Variants in MYOF observed in about 807,000 individuals in gnomAD.
The protein encoded by MYOF is myoferlin.
In MYOF, 244 loss-of-function variants were observed where a neutral mutation model predicts 284.2. That is an observed-to-expected ratio of 0.86 (90% CI 0.77 to 0.95). The LOEUF is 0.95. Among genes scored for constraint, MYOF ranks in the 40% least tolerant of loss-of-function variants. The probability of loss-of-function intolerance (pLI) is 0.00; values close to 1 mark genes in which losing one functional copy is unlikely to be tolerated. For synonymous variants in MYOF, 904 were observed against 919.7 expected (o/e 0.98, Z 0.31); for missense variants, 2,496 against 2,560.6 (o/e 0.97, Z 0.54).
At chr10:93,374,390 A>C (rs1845740329) in intron 23 of MYOF, among the ~76,000 whole-genome samples, 1 of 152,198 alleles carries the variant, frequency 6.6e-6, no homozygotes, top group Non-Finnish European at 1.5e-5. Context: ...TAACTTGCCC[A>C]ATGTTATACA....
At chr10:93,389,326 C>T (rs1189291508) in intron 17 of MYOF, among the ~76,000 whole-genome samples, 172 bp from the exon 18 acceptor site, 2 of 152,140 alleles carry the variant, frequency 1.3e-5, no homozygotes, top group Middle Eastern at 3.2e-3. Flanking sequence ...TTTCTTATTG[C>T]TACATAAAAT....
At chr10:93,425,211 G>T (rs1026877490) in intron 5 of MYOF, among the ~76,000 whole-genome samples, 3 of 151,998 alleles carry the variant, frequency 2.0e-5, no homozygotes, top group African/African-American at 7.2e-5. Context: ...AAAGTGTTGG[G>T]ATTACAGGCA....
chr10:93,377,434 A>C lies in MYOF; in HGVS notation c.2002-5T>G, dbSNP rs1317896415. ...TAGAGCTTCTATATTTGTTTGCTGA[A>C]GAATTTGAAAAGAGAGGAAATAATT... is the stretch of plus-strand genomic sequence containing the variant. On this transcript the variant is annotated splice_polypyrimidine_tract_variant and splice_region_variant and intron_variant, in intron 21 of 53. Coordinates refer to ENST00000359263, the MANE Select transcript of MYOF (RefSeq NM_013451.4). 3 of 1,596,910 alleles carry C rather than the reference A, an allele frequency of 1.9e-6. No individual in the cohort carries two copies. The highest frequency in any genetic ancestry group is 1.7e-6 in the Non-Finnish European group (2 of 1,164,544).
chr10:93,368,525 C>A (rs758774403), intron 25 of MYOF, among the ~76,000 whole-genome samples: 3 of 152,156 alleles, frequency 2.0e-5, no homozygotes, highest in Non-Finnish European at 2.9e-5. Context: ...TTACCTGGCT[C>A]AGTGCCTAGC....
rs144546286 is a variant in MYOF at position 93,394,973 on chromosome 10, A to G, written c.1417+1169T>C. Among the ~76,000 whole-genome samples the G allele has an allele frequency of 5.9e-5, 9 of 151,750 alleles. No homozygotes were observed. In the East Asian group the frequency reaches 1.7e-3, roughly 29 times the overall value. On this transcript the variant is annotated intron_variant, in intron 16 of 53. Coordinates refer to ENST00000359263, the MANE Select transcript of MYOF (RefSeq NM_013451.4). ...CTTATTTATGTTATCCATTGCTTGAATTAACAATGTTTTTTCAAAACCTAT... is the reference window on the plus strand; with the variant it reads ...CTTATTTATGTTATCCATTGCTTGAGTTAACAATGTTTTTTCAAAACCTAT...
At chr10:93,315,153 C>G (rs1842562984) in intron 50 of MYOF, among the ~76,000 whole-genome samples, 1 of 152,188 alleles carries the variant, frequency 6.6e-6, no homozygotes, top group Non-Finnish European at 1.5e-5. Flanking sequence ...GACCTCTTAA[C>G]TAAGCACTTA....
chr10:93,345,245 G>A (rs787698), intron 37 of MYOF, among the ~76,000 whole-genome samples: 98,137 of 152,132 alleles, frequency 0.65, 33,616 homozygotes, highest in East Asian at 0.97. Context: ...ACCTCACTTA[G>A]TACCTCAATA....
At chr10:93,307,532 C>T (rs148714538) in intron 53 of MYOF, among the ~76,000 whole-genome samples, 1,850 of 152,154 alleles carry the variant, frequency 0.012, 28 homozygotes, top group African/African-American at 0.041. Flanking sequence ...TGTCTCCTGA[C>T]CTCGTGATCC....
intron 7 of MYOF, among the ~76,000 whole-genome samples, chr10:93,406,886 G>A (rs568366899): frequency 1.2e-4 from 18 of 152,256 alleles, no homozygotes; most frequent in African/African-American, 3.8e-4. Flanking sequence ...GATTAGAGCC[G>A]TAGGGAATGA....
At chr10:93,468,200 A>G (rs2057055282) in intron 1 of MYOF, among the ~76,000 whole-genome samples, 1 of 152,186 alleles carries the variant, frequency 6.6e-6, no homozygotes, top group Admixed American at 6.5e-5. Flanking sequence ...GAGCCACTCA[A>G]CCTCTCTGGC....
Position 93,426,102 on chromosome 10 carries a change from G to C in MYOF, c.402C>G (p.Asp134Glu), listed in dbSNP as rs1296841849. ...TGCCTGGCACGCTGGGCCCGCTCAG[G>C]TCATTTGGATGTGGAGCAGAAGGCG... ...YDPPSAPHPNDLSGPSVPGMG... is the reference protein window; with the variant it reads ...YDPPSAPHPNELSGPSVPGMG... Residue 134 changes from aspartate to glutamate, a missense_variant, in exon 5 of 54, where the codon GAC becomes GAG. Physicochemically the swap from Asp to Glu is conservative, Grantham distance 45. Around this residue, in one of 3 missense-constraint regions of MYOF, gnomAD observed 2,436 missense variants for 2,480.7 expected, o/e 0.98. Coordinates refer to ENST00000359263, the MANE Select transcript of MYOF (RefSeq NM_013451.4). 1.3e-6 allele frequency: 2 copies of C among 1,560,714 alleles called. No homozygotes were observed. The highest frequency in any genetic ancestry group is 1.7e-6 in the Non-Finnish European group (2 of 1,151,446).
chr10:93,382,573 T>C (rs1490529258), intron 19 of MYOF, among the ~76,000 whole-genome samples: 1 of 152,198 alleles, frequency 6.6e-6, no homozygotes, highest in Non-Finnish European at 1.5e-5. Context: ...GATAACCACA[T>C]TGAGTGCCTA....
At position 93,306,745 on chromosome 10, in the gene MYOF, A is replaced by T. The variant is rs1842114708; in HGVS notation, c.*218T>A. 2.0e-6 allele frequency: 1 copy of T among 492,402 alleles called. No homozygotes were observed. Among genetic ancestry groups the T allele is most frequent in the Admixed American group, 4.2e-5 (1 of 24,032 alleles). 30.5% of individuals were successfully genotyped at this position (492,402 alleles called of 1,614,324 possible). On this transcript the variant is annotated 3_prime_UTR_variant, in exon 54 of 54. Transcript: ENST00000359263. ...AAAAACATGATTTAAACTTTAGAAA[A>T]TAAAACTTTTAATACTTAAGAGATA... is the stretch of plus-strand genomic sequence containing the variant.
intron 43 of MYOF, among the ~76,000 whole-genome samples, chr10:93,332,928 C>T (rs1014728006): frequency 6.6e-6 from 1 of 152,194 alleles, no homozygotes; most frequent in Non-Finnish European, 1.5e-5. Context: ...GCTCCGCAGA[C>T]AGCCAGGTGG....
Position 93,397,172 on chromosome 10 carries a change from C to T in MYOF, c.1334+75G>A. The T allele has an allele frequency of 3.9e-6, 5 of 1,282,296 alleles. No homozygotes were observed. The East Asian group carries it at 7.2e-5, about 19-fold the overall frequency. 79.4% of individuals were successfully genotyped at this position (1,282,296 alleles called of 1,614,324 possible). A position where few individuals can be genotyped will look rare whatever the true frequency, so the allele number is the denominator to read the frequency against. On this transcript the variant is annotated intron_variant, in intron 15 of 53. Coordinates refer to ENST00000359263, the MANE Select transcript of MYOF (RefSeq NM_013451.4). ...AGGAAAGCAAAATACCAGAAAGAGA[C>T]AATCCAGAGTAATGTTTCACAATAT...
chr10:93,337,628 C>G lies in MYOF; in HGVS notation c.4437+187G>C. ...ACGTAACCATAACTCAATAGCTGTC[C>G]TCAAGTCCCTGGAATCTTGGCAAAG... On this transcript the variant is annotated intron_variant, in intron 40 of 53. Coordinates refer to ENST00000359263, the MANE Select transcript of MYOF (RefSeq NM_013451.4). The G allele has an allele frequency of 7.2e-6, 4 of 556,890 alleles. No individual in the cohort carries two copies. In the East Asian group the frequency reaches 8.8e-5, roughly 12 times the overall value. The allele number at this position is 556,890 out of a possible 1,614,324, so 34.5% of individuals were successfully genotyped here. A position where few individuals can be genotyped will look rare whatever the true frequency, so the allele number is the denominator to read the frequency against.
intron 7 of MYOF, 69 bp from the exon 8 acceptor site, chr10:93,404,288 A>C: frequency 2.6e-6 from 4 of 1,511,724 alleles, no homozygotes; most frequent in Non-Finnish European, 3.6e-6. Flanking sequence ...CTGATACTAT[A>C]ATTTTGGGGG....
intron 24 of MYOF, among the ~76,000 whole-genome samples, chr10:93,372,089 T>C (rs903820775): frequency 2.6e-5 from 4 of 152,244 alleles, no homozygotes; most frequent in Admixed American, 6.5e-5. Flanking sequence ...TGAGTAAATT[T>C]ATTAAAAGTT....
At chr10:93,327,176 G>T (rs1461221206) in intron 45 of MYOF, among the ~76,000 whole-genome samples, 1 of 152,032 alleles carries the variant, frequency 6.6e-6, no homozygotes, top group African/African-American at 2.4e-5. Context: ...TCCCCTGCTG[G>T]AAAGGCCTGT....
Sources: allele counts gnomAD v4.1 joint callset (sites outside exome capture counted in the v4.1 genomes callset), GRCh38; gene constraint gnomAD v4.1.1; regional missense constraint gnomAD v4.1.1; transcripts MANE v1.5; gene names NCBI Gene and HGNC (gene_info 2026-07-23, HGNC 2026-07-21).